CSMD2: variants seen among roughly 807,000 people sequenced by gnomAD.
CSMD2 encodes the protein CUB and sushi domain-containing protein 2.
CSMD2 carries 130 observed loss-of-function variants against 398.5 expected under a neutral mutation model. The ratio of observed to expected loss-of-function variants is 0.33; its 90% CI spans 0.28 to 0.38. The LOEUF (loss-of-function observed/expected upper bound fraction) is 0.38, where lower values mean the gene tolerates loss of function less well. CSMD2 is among the 10% of genes least tolerant of loss of function. CSMD2 has a pLI of 1.00. For missense variants in CSMD2, 3,829 were observed against 4,764.9 expected, an observed-to-expected ratio of 0.80 and a Z score of 5.78; for synonymous variants, 1,828 against 1,908.5, an observed-to-expected ratio of 0.96 and a Z score of 1.10.
chr1:34,159,429 TG>T, intron 1 of CSMD2, among the ~76,000 whole-genome samples: 1 of 147,474 alleles, frequency 6.8e-6, no homozygotes, highest in Admixed American at 6.9e-5. Context: ...ACAGTATAAC[TG>T]ATGAGGACAG....
At chr1:34,165,582 C>CCA (rs373165115), upstream of CSMD2, among the ~76,000 whole-genome samples, 133 of 150,170 alleles carry the variant, frequency 8.9e-4, no homozygotes, top group African/African-American at 2.2e-3. Flanking sequence ...ACCCCCCTCT[C>CCA]CACACACACA....
intron 2 of CSMD2, among the ~76,000 whole-genome samples, chr1:34,078,053 T>C (rs928446511): frequency 6.6e-6 from 1 of 152,194 alleles, no homozygotes; most frequent in African/African-American, 2.4e-5. Flanking sequence ...CGTGCTAGTC[T>C]TGAATTCCCA....
At chr1:33,863,923 G>T (rs1639747888) in intron 5 of CSMD2, 2 of 377,980 alleles carry the variant, frequency 5.3e-6, no homozygotes, top group African/African-American at 2.1e-5. Context: ...GGCAAACATT[G>T]ACCCTCAAGT....
chr1:33,802,295 G>C (rs1011712227), intron 10 of CSMD2, among the ~76,000 whole-genome samples: 1 of 152,120 alleles, frequency 6.6e-6, no homozygotes, highest in African/African-American at 2.4e-5. Flanking sequence ...GGATGCACTG[G>C]GGTGTTTTTA....
At chr1:33,625,405 AG>A in intron 33 of CSMD2, 151 bp from the exon 34 acceptor site, 1 of 701,270 alleles carries the variant, frequency 1.4e-6, no homozygotes, top group Non-Finnish European at 2.4e-6. Context: ...AGGGCTAACT[AG>A]GAGGATGCCT....
Position 33,616,992 on chromosome 1 carries a change from C to G in CSMD2, c.5947-17G>C. ...GGCGTGGCCCTGGAGGAATCAGGAA[C>G]AGGGATGGGCTAGCTGTCCCCGTGG... On this transcript the variant is annotated splice_polypyrimidine_tract_variant and intron_variant, in intron 38 of 70. Coordinates refer to ENST00000373381, the MANE Select transcript of CSMD2 (RefSeq NM_001281956.2). 6.2e-7 allele frequency: 1 copy of G among 1,611,956 alleles called. No homozygotes were observed. Among genetic ancestry groups the G allele is most frequent in the East Asian group, 2.2e-5 (1 of 44,846 alleles).
In CSMD2 at chr1:33,725,515, A is replaced by G. The variant is rs1646500867; in HGVS notation, c.2529T>C (p.Tyr843=). 4 of 1,614,080 alleles carry G rather than the reference A, an allele frequency of 2.5e-6. No homozygotes were observed. The highest frequency in any genetic ancestry group is 1.6e-4 in the Middle Eastern group (1 of 6,084). The change falls in exon 17 of 71, where the codon TAT becomes TAC. Residue 843 remains tyrosine, a synonymous_variant. Coordinates refer to ENST00000373381, the MANE Select transcript of CSMD2 (RefSeq NM_001281956.2). ...TFDRFKTEVN[Y]DTLEVRDGRT... ...GCCCATCGCGTACTTCCAGGGTGTCATAGTTGACCTCGGTTTTGAATCTGC... is the reference window on the plus strand; with the variant it reads ...GCCCATCGCGTACTTCCAGGGTGTCGTAGTTGACCTCGGTTTTGAATCTGC...
rs1320572313 is a variant in CSMD2, at chr1:33,698,897, A to G, written c.3781T>C (p.Tyr1261His). The change falls in exon 24 of 71, where the codon TAC (tyrosine) becomes CAC (histidine). Residue 1261 changes from tyrosine (Y) to histidine (H), a missense_variant. By Grantham distance (83) the Tyr-to-His change is moderately conservative. Coordinates refer to ENST00000373381, the MANE Select transcript of CSMD2 (RefSeq NM_001281956.2). The part of the protein sequence containing the change: ...CEDPGTPKFG[Y>H]KVHDEGHFAG... ...AAATGACCTTCATCATGAACCTTGT[A>G]GCCAAACTTGGGGGTTCCTGGGTCC... 3 of 1,614,046 alleles carry G rather than the reference A, an allele frequency of 1.9e-6. No individual in the cohort carries two copies. Among genetic ancestry groups the G allele is most frequent in the African/African-American group, 1.3e-5 (1 of 74,928 alleles).
At chr1:33,989,800 T>C (rs937216315) in intron 3 of CSMD2, among the ~76,000 whole-genome samples, 1 of 152,136 alleles carries the variant, frequency 6.6e-6, no homozygotes, top group Non-Finnish European at 1.5e-5. Context: ...AAATCTAATC[T>C]GACGTGACAG....
At chr1:34,082,277 C>T (rs1254430683) in intron 2 of CSMD2, among the ~76,000 whole-genome samples, 16 of 148,840 alleles carry the variant, frequency 1.1e-4, no homozygotes, top group Admixed American at 3.3e-4. Context: ...CGCCTCTGCC[C>T]GGCTGCCCCG....
intron 2 of CSMD2, among the ~76,000 whole-genome samples, chr1:34,077,668 C>A (rs564787838): frequency 1.5e-5 from 2 of 132,524 alleles, no homozygotes; most frequent in Admixed American, 1.8e-4. Flanking sequence ...ACCCGGGAGG[C>A]GGAGCTTGCA....
At chr1:34,158,699 T>C (rs1003093937) in intron 1 of CSMD2, among the ~76,000 whole-genome samples, 1 of 152,164 alleles carries the variant, frequency 6.6e-6, no homozygotes. Context: ...CTAACATGTA[T>C]TGAATGGTAA....
In CSMD2 at chr1:34,164,469, G is replaced by T. The variant is rs1443344295; in HGVS notation, c.187+442C>A. On this transcript the variant is annotated intron_variant, in intron 1 of 70. Transcript: ENST00000373381. The surrounding 1 kb of genome is among the most constrained non-coding windows in gnomAD (Gnocchi z 6.2). ...TTGCAGACGCAGAAATGGGGAGGGGGCGCACGGTTCCTCTCCAGCCCCCAG... is the reference window on the plus strand; with the variant it reads ...TTGCAGACGCAGAAATGGGGAGGGGTCGCACGGTTCCTCTCCAGCCCCCAG... 1.3e-5 allele frequency among the ~76,000 whole-genome samples: 2 copies of T among 152,034 alleles called. No homozygotes were observed. Among genetic ancestry groups the T allele is most frequent in the Admixed American group, 6.5e-5 (1 of 15,290 alleles).
chr1:33,636,714 C>G lies in CSMD2; in HGVS notation c.4775-160G>C, dbSNP rs1022608462. The stretch of plus-strand genomic sequence containing the variant: ...CTATTCCCCTCAGGTCTAGAAACGT[C>G]TCTAAATTTGGGTAGAAATTGAAGG... On this transcript the variant is annotated intron_variant, in intron 29 of 70. Coordinates refer to ENST00000373381, the MANE Select transcript of CSMD2 (RefSeq NM_001281956.2). The surrounding 1 kb of genome is among the most constrained non-coding windows in gnomAD (Gnocchi z 4.8). Among the ~76,000 whole-genome samples, 1 of 152,152 alleles carries G rather than the reference C, an allele frequency of 6.6e-6. No homozygotes were observed. The highest frequency in any genetic ancestry group is 2.4e-5 in the African/African-American group (1 of 41,440).
At chr1:33,878,888 G>C (rs1192592687) in intron 5 of CSMD2, among the ~76,000 whole-genome samples, 4 of 152,240 alleles carry the variant, frequency 2.6e-5, no homozygotes, top group Non-Finnish European at 4.4e-5. Flanking sequence ...GCCACAGGTA[G>C]TAAAGCAAAG....
intron 3 of CSMD2, among the ~76,000 whole-genome samples, chr1:33,975,967 A>T (rs779904427): frequency 1.3e-5 from 2 of 152,212 alleles, no homozygotes; most frequent in African/African-American, 2.4e-5. Flanking sequence ...GTCACTCAAG[A>T]TCCCTCCTGA....
intron 25 of CSMD2, among the ~76,000 whole-genome samples, chr1:33,686,889 G>T (rs554801982): frequency 1.3e-5 from 2 of 152,320 alleles, no homozygotes; most frequent in African/African-American, 4.8e-5. Context: ...CTGTGCTTAG[G>T]AATACTCTGT....
rs564708351 is a variant in CSMD2, at chr1:33,533,053, G to C, written c.10168C>G (p.Leu3390Val). 6.2e-7 allele frequency: 1 copy of C among 1,609,604 alleles called. No individual in the cohort carries two copies. Among genetic ancestry groups the C allele is most frequent in the African/African-American group, 1.3e-5 (1 of 74,974 alleles). The change falls in exon 64 of 71, where the codon CTG becomes GTG. Residue 3390 changes from leucine to valine, a missense_variant. Leu to Val is a conservative substitution (Grantham distance 32, BLOSUM62 1). This residue lies in a region of CSMD2 where 917 missense variants were observed against 1,199.5 expected (regional missense o/e 0.76). Transcript: ENST00000373381. This position sits in a 1 kb window ranked among gnomAD's most constrained non-coding sequence, Gnocchi z 4.2. ...TTCCCCGAGCAGGCACACTCACCCA[G>C]GCAGATGGGCGGCTTGCCTGTCCAG... ...GSWTGKPPIC[L>V]EVRPSGRPIN...
chr1:34,093,305 G>T (rs981927996), intron 1 of CSMD2, among the ~76,000 whole-genome samples: 1 of 152,126 alleles, frequency 6.6e-6, no homozygotes, highest in Non-Finnish European at 1.5e-5. Flanking sequence ...ACAAAGATGG[G>T]GAAAAAACAG....
Sources: gnomAD v4.1 joint callset for allele counts (sites outside exome capture counted in the v4.1 genomes callset) on GRCh38, gnomAD v4.1.1 for gene constraint, gnomAD v4.1.1 regional missense constraint, Gnocchi (gnomAD v3.1) non-coding constraint, MANE v1.5 for transcripts, NCBI Gene and HGNC (gene_info 2026-07-23, HGNC 2026-07-21) for gene names.